The following PLPP6 variants were observed in gnomAD, a reference collection of about 807,000 sequenced individuals.
PLPP6 encodes phospholipid phosphatase 6.
PLPP6 carries 16 observed loss-of-function variants against 16.5 expected under a neutral mutation model. The observed-to-expected ratio is 0.97, with a 90% confidence interval of 0.66 to 1.47. The LOEUF (loss-of-function observed/expected upper bound fraction) is 1.47, where lower values mean the gene tolerates loss of function less well. Among genes scored for constraint, PLPP6 ranks in the 40% most tolerant of loss-of-function variants. PLPP6 has a pLI of 0.00. For missense variants in PLPP6, 512 were observed against 396.6 expected, an observed-to-expected ratio of 1.29 and a Z score of -2.47; for synonymous variants, 226 against 188.1, an observed-to-expected ratio of 1.20 and a Z score of -1.65.
At position 4,662,407 on chromosome 9, in the gene PLPP6, G is replaced by T; in HGVS notation, c.32G>T (p.Arg11Leu). The stretch of plus-strand genomic sequence containing the variant: ...AGTCCCCGGAGGAGCATGGAGGGAC[G>T]GCCGCTGGGCGTCTCCGCTTCGAGC... MPSPRRSMEG[R>L]PLGVSASSSS... The change falls in exon 1 of 1, where the codon CGG becomes CTG. Residue 11 changes from arginine to leucine, a missense_variant. By Grantham distance (102) the Arg-to-Leu change is moderately radical (BLOSUM62 -2). Transcript: ENST00000381883. The surrounding 1 kb of genome is among the most constrained non-coding windows in gnomAD (Gnocchi z 4.9). 2.6e-6 allele frequency: 4 copies of T among 1,535,704 alleles called. No homozygotes were observed. The highest frequency in any genetic ancestry group is 3.5e-6 in the Non-Finnish European group (4 of 1,149,024).
chr9:4,662,421 T>A lies in PLPP6; in HGVS notation c.46T>A (p.Ser16Thr). The A allele has an allele frequency of 6.5e-7, 1 of 1,539,394 alleles. No homozygotes were observed. The highest frequency in any genetic ancestry group is 8.7e-7 in the Non-Finnish European group (1 of 1,150,992). Reference sequence around the variant, plus strand: ...CATGGAGGGACGGCCGCTGGGCGTCTCCGCTTCGAGCAGCAGCAGCAGCCC... The same window carrying A: ...CATGGAGGGACGGCCGCTGGGCGTCACCGCTTCGAGCAGCAGCAGCAGCCC... ...RSMEGRPLGV[S>T]ASSSSSSPGS... The change falls in exon 1 of 1, where the codon TCC becomes ACC. Residue 16 changes from serine (S) to threonine (T), a missense_variant. Ser to Thr is a moderately conservative substitution (Grantham distance 58). Transcript: ENST00000381883. The surrounding 1 kb of genome is among the most constrained non-coding windows in gnomAD (Gnocchi z 4.9).
In PLPP6 at chr9:4,662,448, G is replaced by T; in HGVS notation, c.73G>T (p.Gly25Cys). 1 of 1,545,712 alleles carries T rather than the reference G, an allele frequency of 6.5e-7. No homozygotes were observed. The highest frequency in any genetic ancestry group is 2.4e-5 in the East Asian group (1 of 41,638). ...CGCTTCGAGCAGCAGCAGCAGCCCC[G>T]GCAGCCCAGCCCATGGCGGCGGTGG... ...VSASSSSSSP[G>C]SPAHGGGGGG... Residue 25 changes from glycine (G) to cysteine (C), a missense_variant, in exon 1 of 1, where the codon GGC becomes TGC. Gly to Cys is a radical substitution (Grantham distance 159). Transcript: ENST00000381883. The surrounding 1 kb of genome is among the most constrained non-coding windows in gnomAD (Gnocchi z 4.9).
Position 4,663,301 on chromosome 9 carries a change from G to C in PLPP6, c.*38G>C, listed in dbSNP as rs1177464798. ...GATTATGGCACCAGGAAGTCTGAAG[G>C]TTTCCACATTCGATGATGTCAACCT... On this transcript the variant is annotated 3_prime_UTR_variant, in exon 1 of 1. Coordinates refer to ENST00000381883, the MANE Select transcript of PLPP6 (RefSeq NM_203453.5). 1 of 1,584,438 alleles carries C rather than the reference G, an allele frequency of 6.3e-7. No homozygotes were observed.
In PLPP6 at chr9:4,665,117, C is replaced by G. The variant is rs1229742405; in HGVS notation, c.*1854C>G. On this transcript the variant is annotated 3_prime_UTR_variant, in exon 1 of 1. Coordinates refer to ENST00000381883, the MANE Select transcript of PLPP6 (RefSeq NM_203453.5). ...TTTTAGTTGCTGAGGCCTGAGTTTT[C>G]TGGCTCTTAAAGCATAGATCATTTC... 2 of 167,122 alleles carry G rather than the reference C, an allele frequency of 1.2e-5. No individual in the cohort carries two copies. The highest frequency in any genetic ancestry group is 2.9e-5 in the Non-Finnish European group (2 of 68,124). The allele number at this position is 167,122 out of a possible 1,614,324, so 10.4% of individuals were successfully genotyped here. A position where few individuals can be genotyped will look rare whatever the true frequency, so the allele number is the denominator to read the frequency against.
chr9:4,662,343 G>A lies in PLPP6; in HGVS notation c.-33G>A. ...GGGCCGGGAAGCCTCTGTTTGGTCC[G>A]GCCAGGTCCCGGGATCCGGGCCGCC... On this transcript the variant is annotated 5_prime_UTR_variant, in exon 1 of 1. Coordinates refer to ENST00000381883, the MANE Select transcript of PLPP6 (RefSeq NM_203453.5). The surrounding 1 kb of genome is among the most constrained non-coding windows in gnomAD (Gnocchi z 4.9). The A allele has an allele frequency of 6.8e-7, 1 of 1,476,732 alleles. No homozygotes were observed. Among genetic ancestry groups the A allele is most frequent in the Non-Finnish European group, 8.9e-7 (1 of 1,120,834 alleles). The allele number at this position is 1,476,732 out of a possible 1,614,324, so 91.5% of individuals were successfully genotyped here.
Position 4,664,090 on chromosome 9 carries a change from T to C in PLPP6, c.*827T>C, listed in dbSNP as rs575857234. Reference sequence around the variant, plus strand: ...AGAATGGGACATGGCCCCATGCTTATTTTTGTTTACAACGTAACATGGCAT... The same window carrying C: ...AGAATGGGACATGGCCCCATGCTTACTTTTGTTTACAACGTAACATGGCAT... On this transcript the variant is annotated 3_prime_UTR_variant, in exon 1 of 1. Transcript: ENST00000381883. The C allele has an allele frequency of 4.2e-5, 7 of 167,256 alleles. No individual in the cohort carries two copies. The highest frequency in any genetic ancestry group is 1.7e-4 in the African/African-American group (7 of 41,582). The allele number at this position is 167,256 out of a possible 1,614,324, so 10.4% of individuals were successfully genotyped here. A position where few individuals can be genotyped will look rare whatever the true frequency, so the allele number is the denominator to read the frequency against.
rs1840119522 is a variant in PLPP6, at chr9:4,662,650, T to A, written c.275T>A (p.Met92Lys). The A allele has an allele frequency of 1.3e-6, 2 of 1,599,696 alleles. No homozygotes were observed. Among genetic ancestry groups the A allele is most frequent in the Non-Finnish European group, 1.7e-6 (2 of 1,179,776 alleles). Reference sequence around the variant, plus strand: ...CCTCCGCTGCCCGAGGAGGACCGCATGGACTTGAACCCGTCCTTCCTGGGC... The same window carrying A: ...CCTCCGCTGCCCGAGGAGGACCGCAAGGACTTGAACCCGTCCTTCCTGGGC... ...PAPPLPEEDRMDLNPSFLGIA... is the reference protein window; with the variant it reads ...PAPPLPEEDRKDLNPSFLGIA... The change falls in exon 1 of 1, where the codon ATG (methionine) becomes AAG (lysine). Residue 92 changes from methionine to lysine, a missense_variant. By Grantham distance (95) the Met-to-Lys change is moderately conservative. Transcript: ENST00000381883. The surrounding 1 kb of genome is among the most constrained non-coding windows in gnomAD (Gnocchi z 4.9).
chr9:4,663,513 T>C lies in PLPP6; in HGVS notation c.*250T>C. 2.2e-6 allele frequency: 1 copy of C among 450,902 alleles called. No individual in the cohort carries two copies. Among genetic ancestry groups the C allele is most frequent in the Non-Finnish European group, 4.1e-6 (1 of 244,220 alleles). 27.9% of individuals were successfully genotyped at this position (450,902 alleles called of 1,614,324 possible). A position where few individuals can be genotyped will look rare whatever the true frequency, so the allele number is the denominator to read the frequency against. On this transcript the variant is annotated 3_prime_UTR_variant, in exon 1 of 1. Transcript: ENST00000381883. Reference sequence around the variant, plus strand: ...TGTATATTTATTCAACAACTGTTTATGTTTCCAGGACAACTGCAAAGAAAA... The same window carrying C: ...TGTATATTTATTCAACAACTGTTTACGTTTCCAGGACAACTGCAAAGAAAA...
chr9:4,663,255 C>A lies in PLPP6; in HGVS notation c.880C>A (p.Gln294Lys), dbSNP rs765667369. The change falls in exon 1 of 1, where the codon CAA becomes AAA. Residue 294 changes from glutamine (Q) to lysine (K), a missense_variant. Transcript: ENST00000381883. ...NAPVLFLLWS[Q>K]R ...TCCGGTCCTCTTTTTACTGTGGAGTCAACGATGACACCATCTCATTGATTA... is the reference window on the plus strand; with the variant it reads ...TCCGGTCCTCTTTTTACTGTGGAGTAAACGATGACACCATCTCATTGATTA... 1 of 1,612,250 alleles carries A rather than the reference C, an allele frequency of 6.2e-7. No individual in the cohort carries two copies. Among genetic ancestry groups the A allele is most frequent in the African/African-American group, 1.3e-5 (1 of 74,990 alleles).
rs561292133 is a variant in PLPP6 at position 4,664,929 on chromosome 9, G to C, written c.*1666G>C. The C allele has an allele frequency of 6.0e-6, 1 of 167,082 alleles. No individual in the cohort carries two copies. The highest frequency in any genetic ancestry group is 1.5e-5 in the Non-Finnish European group (1 of 68,120). 10.3% of individuals were successfully genotyped at this position (167,082 alleles called of 1,614,324 possible). On this transcript the variant is annotated 3_prime_UTR_variant, in exon 1 of 1. Transcript: ENST00000381883. Reference sequence around the variant, plus strand: ...AACTGTGAAGCTCTAAGTGGTTTGGGTTTGTTGTTTAACCTTAGCGAGATC... The same window carrying C: ...AACTGTGAAGCTCTAAGTGGTTTGGCTTTGTTGTTTAACCTTAGCGAGATC...
chr9:4,662,635 C>T lies in PLPP6; in HGVS notation c.260C>T (p.Pro87Leu), dbSNP rs756353331. The T allele has an allele frequency of 6.3e-7, 1 of 1,598,420 alleles. No homozygotes were observed. The highest frequency in any genetic ancestry group is 8.5e-7 in the Non-Finnish European group (1 of 1,179,432). The part of the protein sequence containing the change: ...GPSQSPAPPL[P>L]EEDRMDLNPS... ...TCGCAGTCGCCCGCGCCTCCGCTGC[C>T]CGAGGAGGACCGCATGGACTTGAAC... Residue 87 changes from proline to leucine, a missense_variant, in exon 1 of 1, where the codon CCC becomes CTC. Transcript: ENST00000381883. This position sits in a 1 kb window ranked among gnomAD's most constrained non-coding sequence, Gnocchi z 4.9.
rs772633048 is a variant in PLPP6, at chr9:4,662,754, T to C, written c.379T>C (p.Trp127Arg). The C allele has an allele frequency of 6.2e-7, 1 of 1,604,086 alleles. No homozygotes were observed. The highest frequency in any genetic ancestry group is 1.1e-5 in the South Asian group (1 of 91,082). The change falls in exon 1 of 1, where the codon TGG becomes CGG. Residue 127 changes from tryptophan (W) to arginine (R), a missense_variant. Trp to Arg is a moderately radical substitution (Grantham distance 101). Transcript: ENST00000381883. The surrounding 1 kb of genome is among the most constrained non-coding windows in gnomAD (Gnocchi z 4.9). Reference protein sequence around the residue: ...LGVCAGESSSWGSVRPLMKLL... With the variant: ...LGVCAGESSSRGSVRPLMKLL... ...GGTGTGCGCGGGAGAGAGCTCGTCG[T>C]GGGGCAGCGTGCGACCCCTTATGAA...
chr9:4,662,755 G>T lies in PLPP6; in HGVS notation c.380G>T (p.Trp127Leu). Residue 127 changes from tryptophan (W) to leucine (L), a missense_variant, in exon 1 of 1, where the codon TGG becomes TTG. Physicochemically the swap from Trp to Leu is moderately conservative, Grantham distance 61. Transcript: ENST00000381883. This position sits in a 1 kb window ranked among gnomAD's most constrained non-coding sequence, Gnocchi z 4.9. Reference protein sequence around the residue: ...LGVCAGESSSWGSVRPLMKLL... With the variant: ...LGVCAGESSSLGSVRPLMKLL... ...GTGTGCGCGGGAGAGAGCTCGTCGT[G>T]GGGCAGCGTGCGACCCCTTATGAAG... The T allele has an allele frequency of 6.2e-7, 1 of 1,604,122 alleles. No individual in the cohort carries two copies.
Position 4,662,637 on chromosome 9 carries a change from G to C in PLPP6, c.262G>C (p.Glu88Gln). 6.3e-7 allele frequency: 1 copy of C among 1,598,592 alleles called. No individual in the cohort carries two copies. Among genetic ancestry groups the C allele is most frequent in the Non-Finnish European group, 8.5e-7 (1 of 1,179,510 alleles). Residue 88 changes from glutamate (E) to glutamine (Q), a missense_variant, in exon 1 of 1, where the codon GAG (glutamate) becomes CAG (glutamine). Physicochemically the swap from Glu to Gln is conservative, Grantham distance 29. Transcript: ENST00000381883. This position sits in a 1 kb window ranked among gnomAD's most constrained non-coding sequence, Gnocchi z 4.9. ...PSQSPAPPLP[E>Q]EDRMDLNPSF... is the part of the protein sequence containing the mutation. The stretch of plus-strand genomic sequence containing the variant: ...GCAGTCGCCCGCGCCTCCGCTGCCC[G>C]AGGAGGACCGCATGGACTTGAACCC...
rs758857857 is a variant in PLPP6 at position 4,662,371 on chromosome 9, C to A, written c.-5C>A. 1.3e-6 allele frequency: 2 copies of A among 1,506,130 alleles called. No homozygotes were observed. The highest frequency in any genetic ancestry group is 1.8e-6 in the Non-Finnish European group (2 of 1,135,248). 93.3% of individuals were successfully genotyped at this position (1,506,130 alleles called of 1,614,324 possible). ...CAGGTCCCGGGATCCGGGCCGCCAG[C>A]TGCGATGCCAAGTCCCCGGAGGAGC... On this transcript the variant is annotated 5_prime_UTR_variant, in exon 1 of 1. In the 5' UTR this introduces an upstream ATG that the reference lacks. Transcript: ENST00000381883. The surrounding 1 kb of genome is among the most constrained non-coding windows in gnomAD (Gnocchi z 4.9).
At position 4,662,429 on chromosome 9, in the gene PLPP6, GAGC is replaced by G. The variant is rs768964167; in HGVS notation, c.67_69del (p.Ser23del). On this transcript the variant is annotated inframe_deletion, in exon 1 of 1. Coordinates refer to ENST00000381883, the MANE Select transcript of PLPP6 (RefSeq NM_203453.5). This position sits in a 1 kb window ranked among gnomAD's most constrained non-coding sequence, Gnocchi z 4.9. ...GACGGCCGCTGGGCGTCTCCGCTTC[GAGC>G]AGCAGCAGCAGCCCCGGCAGCCCAG... is the stretch of plus-strand genomic sequence containing the variant. 1.5e-5 allele frequency: 23 copies of G among 1,540,854 alleles called. No homozygotes were observed. Among genetic ancestry groups the G allele is most frequent in the South Asian group, 5.9e-5 (5 of 84,264 alleles).
Position 4,665,139 on chromosome 9 carries a change from T to G in PLPP6, c.*1876T>G, listed in dbSNP as rs1840676692. ...TTTCTGGCTCTTAAAGCATAGATCA[T>G]TTCACCTGATGTTTTTGAAGCATCC... is the stretch of plus-strand genomic sequence containing the variant. On this transcript the variant is annotated 3_prime_UTR_variant, in exon 1 of 1. Coordinates refer to ENST00000381883, the MANE Select transcript of PLPP6 (RefSeq NM_203453.5). The G allele has an allele frequency of 6.0e-6, 1 of 167,126 alleles. No homozygotes were observed. Among genetic ancestry groups the G allele is most frequent in the South Asian group, 2.1e-4 (1 of 4,836 alleles). 10.4% of individuals were successfully genotyped at this position (167,126 alleles called of 1,614,324 possible).
chr9:4,662,341 C>T lies in PLPP6; in HGVS notation c.-35C>T, dbSNP rs947662458. The stretch of plus-strand genomic sequence containing the variant: ...CAGGGCCGGGAAGCCTCTGTTTGGT[C>T]CGGCCAGGTCCCGGGATCCGGGCCG... On this transcript the variant is annotated 5_prime_UTR_variant, in exon 1 of 1. Coordinates refer to ENST00000381883, the MANE Select transcript of PLPP6 (RefSeq NM_203453.5). The surrounding 1 kb of genome is among the most constrained non-coding windows in gnomAD (Gnocchi z 4.9). The T allele has an allele frequency of 3.3e-5, 48 of 1,468,810 alleles. No individual in the cohort carries two copies. Among genetic ancestry groups the T allele is most frequent in the Non-Finnish European group, 4.3e-5 (48 of 1,117,548 alleles). The allele number at this position is 1,468,810 out of a possible 1,614,324, so 91.0% of individuals were successfully genotyped here. A position where few individuals can be genotyped will look rare whatever the true frequency, so the allele number is the denominator to read the frequency against.
At position 4,662,935 on chromosome 9, in the gene PLPP6, T is replaced by C; in HGVS notation, c.560T>C (p.Val187Ala). The change falls in exon 1 of 1, where the codon GTC (valine) becomes GCC (alanine). Residue 187 changes from valine to alanine, a missense_variant. Transcript: ENST00000381883. The surrounding 1 kb of genome is among the most constrained non-coding windows in gnomAD (Gnocchi z 4.9). ...LLLVALIKGL[V>A]RRRRPAHNQM... is the part of the protein sequence containing the mutation. The stretch of plus-strand genomic sequence containing the variant: ...CTGGTGGCCTTGATCAAAGGGCTGG[T>C]CCGCAGGCGCCGCCCGGCCCACAAC... 3 of 1,611,032 alleles carry C rather than the reference T, an allele frequency of 1.9e-6. No individual in the cohort carries two copies. Among genetic ancestry groups the C allele is most frequent in the Non-Finnish European group, 2.5e-6 (3 of 1,179,916 alleles).
Sources: gnomAD v4.1 joint callset for allele counts on GRCh38, gnomAD v4.1.1 for gene constraint, Gnocchi (gnomAD v3.1) non-coding constraint, MANE v1.5 for transcripts, NCBI Gene and HGNC (gene_info 2026-07-23, HGNC 2026-07-21) for gene names.